The following XKR4 variants were observed in gnomAD, a reference collection of about 807,000 sequenced individuals.
XKR4 encodes the protein XK-related protein 4.
XKR4 carries 12 observed loss-of-function variants against 53.9 expected under a neutral mutation model. The observed-to-expected ratio is 0.22, with a 90% CI of 0.14 to 0.36. XKR4 has a LOEUF of 0.36. XKR4 is among the 10% of genes least tolerant of loss of function. The pLI is 1.00. For synonymous variants in XKR4, 354 were observed against 362.4 expected, an observed-to-expected ratio of 0.98 and a Z score of 0.26; for missense variants, 799 against 859.5, an observed-to-expected ratio of 0.93 and a Z score of 0.88.
At chr8:55,357,566 T>C in intron 1 of XKR4, 112 bp from the exon 2 acceptor site, 1 of 1,094,674 alleles carries the variant, frequency 9.1e-7, no homozygotes, top group Non-Finnish European at 1.3e-6. Context: ...CCGAGGTAAT[T>C]GTTTCTTGTG....
chr8:55,175,946 TATA>T (rs941075348), intron 1 of XKR4, among the ~76,000 whole-genome samples: 2 of 152,242 alleles, frequency 1.3e-5, no homozygotes, highest in African/African-American at 4.8e-5. Context: ...TGTTAAGTCA[TATA>T]ATGGTCAGTT....
intron 1 of XKR4, among the ~76,000 whole-genome samples, chr8:55,219,686 G>A (rs1203798375): frequency 6.6e-6 from 1 of 152,128 alleles, no homozygotes; most frequent in Non-Finnish European, 1.5e-5. Flanking sequence ...GACTCCCAGT[G>A]AAATAAATTT....
At chr8:55,138,685 C>A (rs997279628) in intron 1 of XKR4, among the ~76,000 whole-genome samples, 6 of 152,090 alleles carry the variant, frequency 3.9e-5, no homozygotes, top group African/African-American at 7.2e-5. Flanking sequence ...ATTTATTCAA[C>A]AAATATTGTT....
chr8:55,540,024 G>C lies in XKR4; in HGVS notation c.*15797G>C, dbSNP rs1328721853. ...ATGAAAAGACAAGTAGAGACAACAT[G>C]TACTTGAGATATAAGCTATACATCT... is the stretch of plus-strand genomic sequence containing the variant. On this transcript the variant is annotated 3_prime_UTR_variant, in exon 3 of 3. Transcript: ENST00000327381. The C allele has an allele frequency of 3.9e-5, 6 of 152,196 alleles. No individual in the cohort carries two copies. Among genetic ancestry groups the C allele is most frequent in the Non-Finnish European group, 7.3e-5 (5 of 68,052 alleles). The allele number at this position is 152,196 out of a possible 1,614,324, so 9.4% of individuals were successfully genotyped here.
Position 55,537,404 on chromosome 8 carries a change from A to G in XKR4, c.*13177A>G, listed in dbSNP as rs1440743807. ...CACTGGGTTGGTGAGCATTGTCTCA[A>G]ATTTTGTGCTTGCCTCATTTATGGT... is the stretch of plus-strand genomic sequence containing the variant. On this transcript the variant is annotated 3_prime_UTR_variant, in exon 3 of 3. Transcript: ENST00000327381. 1 of 152,172 alleles carries G rather than the reference A, an allele frequency of 6.6e-6. No individual in the cohort carries two copies. The highest frequency in any genetic ancestry group is 2.4e-5 in the African/African-American group (1 of 41,432). The allele number at this position is 152,172 out of a possible 1,614,324, so 9.4% of individuals were successfully genotyped here. A position where few individuals can be genotyped will look rare whatever the true frequency, so the allele number is the denominator to read the frequency against.
At chr8:55,314,150 C>T (rs1819425228) in intron 1 of XKR4, among the ~76,000 whole-genome samples, 1 of 152,150 alleles carries the variant, frequency 6.6e-6, no homozygotes, top group Non-Finnish European at 1.5e-5. Flanking sequence ...CTTCTAAGAC[C>T]TTGGCTGGCT....
chr8:55,457,160 T>TTTTTTTTTA (rs1805582996), intron 2 of XKR4, among the ~76,000 whole-genome samples: 1 of 150,660 alleles, frequency 6.6e-6, no homozygotes, highest in African/African-American at 2.4e-5. Flanking sequence ...TTTTTTTTTT[T>TTTTTTTTTA]GAGACTGAGT....
chr8:55,222,260 G>A (rs201174211), intron 1 of XKR4, among the ~76,000 whole-genome samples: 36 of 152,148 alleles, frequency 2.4e-4, no homozygotes, highest in Non-Finnish European at 7.3e-5. Flanking sequence ...TCCTGTGGGC[G>A]ATGTTCTCTA....
At chr8:55,361,263 G>A (rs182355161) in intron 2 of XKR4, among the ~76,000 whole-genome samples, 6 of 152,202 alleles carry the variant, frequency 3.9e-5, no homozygotes, top group South Asian at 2.1e-4. Flanking sequence ...GGAGAGAGGC[G>A]GAGAGGGGAG....
At chr8:55,139,958 A>G (rs1816681304) in intron 1 of XKR4, 1 of 233,332 alleles carries the variant, frequency 4.3e-6, no homozygotes. Flanking sequence ...GTTTTATGTA[A>G]TTAATATATT....
intron 1 of XKR4, among the ~76,000 whole-genome samples, chr8:55,110,886 A>G (rs1816222139): frequency 6.6e-6 from 1 of 152,166 alleles, no homozygotes; most frequent in South Asian, 2.1e-4. Context: ...TTATCATCAT[A>G]AAACATCAAT....
intron 1 of XKR4, among the ~76,000 whole-genome samples, chr8:55,294,881 G>A (rs949263563): frequency 6.6e-6 from 1 of 152,054 alleles, no homozygotes; most frequent in Non-Finnish European, 1.5e-5. Flanking sequence ...TATGAGTAGG[G>A]AAATTCATGC....
intron 2 of XKR4, among the ~76,000 whole-genome samples, chr8:55,422,000 G>T (rs1373616227): frequency 6.6e-6 from 1 of 152,198 alleles, no homozygotes; most frequent in African/African-American, 2.4e-5. Context: ...ATTGATGTAT[G>T]TATTAATGTC....
chr8:55,507,398 T>C (rs112715019), intron 2 of XKR4, among the ~76,000 whole-genome samples: 6,531 of 152,212 alleles, frequency 0.043, 539 homozygotes, highest in East Asian at 0.28. Flanking sequence ...ATGTGCACAA[T>C]GTGCAGGTTA....
chr8:55,523,721 A>G lies in XKR4; in HGVS notation c.1447A>G (p.Ile483Val). Residue 483 changes from isoleucine (I) to valine (V), a missense_variant, in exon 3 of 3, where the codon ATT becomes GTT. Ile to Val is a conservative substitution (Grantham distance 29). Transcript: ENST00000327381. ...CTGGTACCTCTACAAGGCTCCCCAG[A>G]TTGCAGACGCATTTGCCATTCCAGC... ...ALWYLYKAPQ[I>V]ADAFAIPALC... 2 of 1,614,162 alleles carry G rather than the reference A, an allele frequency of 1.2e-6. No individual in the cohort carries two copies. Among genetic ancestry groups the G allele is most frequent in the Non-Finnish European group, 1.7e-6 (2 of 1,180,020 alleles).
intron 2 of XKR4, among the ~76,000 whole-genome samples, chr8:55,358,262 A>ATG (rs999907916): frequency 3.9e-5 from 6 of 151,950 alleles, no homozygotes; most frequent in Admixed American, 3.3e-4. Context: ...GTATGCATGT[A>ATG]TGTGTGTGTG....
intron 1 of XKR4, among the ~76,000 whole-genome samples, chr8:55,193,399 T>TC: frequency 6.6e-6 from 1 of 152,078 alleles, no homozygotes; most frequent in Non-Finnish European, 1.5e-5. Flanking sequence ...ACTGCTCACT[T>TC]ACAGAGCTGC....
At chr8:55,241,387 C>T (rs950306893) in intron 1 of XKR4, among the ~76,000 whole-genome samples, 2 of 152,160 alleles carry the variant, frequency 1.3e-5, no homozygotes, top group African/African-American at 2.4e-5. Context: ...GCATTTTAAT[C>T]ATTAAAGTGA....
rs115379146 is a variant in XKR4, at chr8:55,347,835, T to G, written c.807-9843T>G. 4.4e-3 allele frequency among the ~76,000 whole-genome samples: 668 copies of G among 152,314 alleles called. 4 individuals are homozygous for G. Among genetic ancestry groups the G allele is most frequent in the African/African-American group, 0.015 (639 of 41,580 alleles). ...ATACTCTGTGGTAGTTATGCTAAAT[T>G]TTTAGCTGTGTATATGGCTTTCTGT... On this transcript the variant is annotated intron_variant, in intron 1 of 2. Transcript: ENST00000327381.
Sources: gnomAD v4.1 joint callset for allele counts (sites outside exome capture counted in the v4.1 genomes callset) on GRCh38, gnomAD v4.1.1 for gene constraint, MANE v1.5 for transcripts, NCBI Gene and HGNC (gene_info 2026-07-23, HGNC 2026-07-21) for gene names.